The following ELAVL4 variants were observed in gnomAD, a reference collection of about 807,000 sequenced individuals.
The protein encoded by ELAVL4 is ELAV like RNA binding protein 4.
ELAVL4 carries 1 observed loss-of-function variant against 35.6 expected under a neutral mutation model. The observed-to-expected ratio is 0.03, with a 90% CI of 0.01 to 0.13. The LOEUF (loss-of-function observed/expected upper bound fraction) is 0.13. Ranked by LOEUF, ELAVL4 falls within the 10% of genes least tolerant of loss-of-function variation. The probability of loss-of-function intolerance (pLI) is 1.00; values close to 1 mark genes in which losing one functional copy is unlikely to be tolerated. For missense variants in ELAVL4, 267 were observed against 464.9 expected, an observed-to-expected ratio of 0.57 and a Z score of 3.91; for synonymous variants, 156 against 171.0, an observed-to-expected ratio of 0.91 and a Z score of 0.69.
chr1:50,165,403 C>T (rs1677572379), intron 2 of ELAVL4, among the ~76,000 whole-genome samples: 1 of 150,510 alleles, frequency 6.6e-6, no homozygotes, highest in African/African-American at 2.4e-5. Flanking sequence ...TGAGGGTTCT[C>T]TAGAAGGACA....
At chr1:50,185,871 G>A (rs917746044) in intron 3 of ELAVL4, among the ~76,000 whole-genome samples, 3 of 152,056 alleles carry the variant, frequency 2.0e-5, no homozygotes, top group Non-Finnish European at 4.4e-5. Context: ...CACAGTAATC[G>A]TATCAGTCTT....
rs538321903 is a variant in ELAVL4, at chr1:50,127,514, G to A, written c.10-17443G>A. 5.3e-5 allele frequency among the ~76,000 whole-genome samples: 8 copies of A among 152,216 alleles called. No homozygotes were observed. The South Asian group carries it at 1.7e-3, about 32-fold the overall frequency. On this transcript the variant is annotated intron_variant, in intron 1 of 6. Transcript: ENST00000371824. ...GACATGGAAGGGACATACTGCCAAA[G>A]GCATTCAGATTATGGTACTTGGCTC... is the stretch of plus-strand genomic sequence containing the variant.
At chr1:50,188,058 G>A (rs958570422) in intron 3 of ELAVL4, among the ~76,000 whole-genome samples, 1 of 152,164 alleles carries the variant, frequency 6.6e-6, no homozygotes, top group African/African-American at 2.4e-5. Context: ...TGGTGCCACT[G>A]CACTCCAGCC....
At chr1:50,123,388 A>G (rs1669346723) in intron 1 of ELAVL4, among the ~76,000 whole-genome samples, 1 of 152,060 alleles carries the variant, frequency 6.6e-6, no homozygotes, top group East Asian at 1.9e-4. Context: ...AAAGGGGAAC[A>G]GTGTCATGAA....
intron 3 of ELAVL4, chr1:50,180,941 A>G (rs3119167): frequency 0.9 from 136,966 of 152,200 alleles, 62,698 homozygotes; most frequent in East Asian, 1. Context: ...TTACATGCTT[A>G]ATATCATTTC....
At chr1:50,073,314 GGA>G (rs1430938008) in intron 1 of ELAVL4, among the ~76,000 whole-genome samples, 1 of 152,050 alleles carries the variant, frequency 6.6e-6, no homozygotes, top group Admixed American at 6.6e-5. Flanking sequence ...AAAGAAATGT[GGA>G]GATTTTGTGG....
intron 1 of ELAVL4, among the ~76,000 whole-genome samples, chr1:50,138,018 A>G (rs924599798): frequency 2.0e-5 from 3 of 152,166 alleles, no homozygotes; most frequent in Non-Finnish European, 4.4e-5. Context: ...ACCAGGTTCT[A>G]TTCTTTTCCT....
intron 3 of ELAVL4, among the ~76,000 whole-genome samples, chr1:50,193,227 G>C (rs899313777): frequency 2.6e-5 from 4 of 152,140 alleles, no homozygotes; most frequent in Non-Finnish European, 2.9e-5. Context: ...GACCTCATGG[G>C]AACAGACTGG....
At chr1:50,180,056 G>C (rs1680768125) in intron 3 of ELAVL4, 1 of 151,896 alleles carries the variant, frequency 6.6e-6, no homozygotes, top group South Asian at 2.1e-4. Flanking sequence ...AGAATTTTAA[G>C]AATTATGTAG....
intron 1 of ELAVL4, among the ~76,000 whole-genome samples, chr1:50,094,316 G>A (rs1665621504): frequency 6.6e-6 from 1 of 152,092 alleles, no homozygotes; most frequent in Non-Finnish European, 1.5e-5. Context: ...TTTTGTTAGA[G>A]GTCTGCTGGG....
intron 5 of ELAVL4, among the ~76,000 whole-genome samples, chr1:50,196,682 G>A (rs757546961): frequency 2.0e-5 from 3 of 152,094 alleles, no homozygotes; most frequent in Non-Finnish European, 2.9e-5. Context: ...AATTTGAAAT[G>A]GTTAATGATT....
intron 3 of ELAVL4, 54 bp from the exon 4 acceptor site, chr1:50,193,711 C>G: frequency 6.4e-7 from 1 of 1,568,154 alleles, no homozygotes; most frequent in African/African-American, 1.4e-5. Context: ...GACTCAGCAT[C>G]TACTCTGAGG....
At chr1:50,112,830 A>T (rs1667301019) in intron 1 of ELAVL4, among the ~76,000 whole-genome samples, 1 of 152,066 alleles carries the variant, frequency 6.6e-6, no homozygotes, top group Non-Finnish European at 1.5e-5. Context: ...TGGTTTGCAC[A>T]AAACCTTAAA....
chr1:50,178,958 A>G (rs1572556594), intron 3 of ELAVL4, among the ~76,000 whole-genome samples: 1 of 124,336 alleles, frequency 8.0e-6, no homozygotes, highest in Non-Finnish European at 1.7e-5. Flanking sequence ...TCAACTTTCC[A>G]TTTTGCTTTT....
At chr1:50,100,589 C>T (rs1665928929), upstream of ELAVL4, among the ~76,000 whole-genome samples, 1 of 152,188 alleles carries the variant, frequency 6.6e-6, no homozygotes, top group East Asian at 1.9e-4. Flanking sequence ...ATCTCTAACA[C>T]TTAATTTTGG....
chr1:50,104,098 G>T, upstream of ELAVL4: 1 of 1,362,744 alleles, frequency 7.3e-7, no homozygotes. Flanking sequence ...AAGACTATGG[G>T]TCCTTAAAAA....
At chr1:50,152,592 T>G (rs1674988340) in intron 2 of ELAVL4, among the ~76,000 whole-genome samples, 1 of 152,192 alleles carries the variant, frequency 6.6e-6, no homozygotes, top group African/African-American at 2.4e-5. Context: ...TTCTGAAATG[T>G]GTTAATGGGA....
intron 1 of ELAVL4, among the ~76,000 whole-genome samples, chr1:50,119,591 G>C (rs1668674713): frequency 6.6e-6 from 1 of 151,970 alleles, no homozygotes; most frequent in Non-Finnish European, 1.5e-5. Flanking sequence ...TTGGAGCTTA[G>C]AACTGCTTTA....
intron 1 of ELAVL4, among the ~76,000 whole-genome samples, chr1:50,066,903 C>G (rs1664289755): frequency 6.6e-6 from 1 of 152,090 alleles, no homozygotes; most frequent in African/African-American, 2.4e-5. Context: ...TAGCATGTCC[C>G]ATTTTTCCTT....
Sources: gnomAD v4.1 joint callset for allele counts (sites outside exome capture counted in the v4.1 genomes callset) on GRCh38, gnomAD v4.1.1 for gene constraint, MANE v1.5 for transcripts, NCBI Gene and HGNC (gene_info 2026-07-23, HGNC 2026-07-21) for gene names.